The following NFU1 variants were observed in gnomAD, a reference collection of about 807,000 sequenced individuals.
The protein encoded by NFU1 is NFU1 iron-sulfur cluster scaffold homolog, mitochondrial.
NFU1 carries 30 observed loss-of-function variants against 32.2 expected under a neutral mutation model. That is an observed-to-expected ratio of 0.93 (90% CI 0.70 to 1.26). The LOEUF (loss-of-function observed/expected upper bound fraction) is 1.26. Among genes scored for constraint, NFU1 ranks in the 50% most tolerant of loss-of-function variants. The pLI, the probability that NFU1 is intolerant of heterozygous loss-of-function variation, is 0.00. For missense variants in NFU1, 306 were observed against 306.6 expected, an observed-to-expected ratio of 1.00 and a Z score of 0.02; for synonymous variants, 112 against 104.6, an observed-to-expected ratio of 1.07 and a Z score of -0.43.
rs1673032381 is a variant in NFU1, at chr2:69,415,845, C to CT, written c.370-547dup. On this transcript the variant is annotated intron_variant, in intron 4 of 7. Transcript: ENST00000410022. ...CCTTACACCTCTTAAGAAGCTTTTC[C>CT]TGGTCAGGTGTGGTAGTTCATGCCT... Among the ~76,000 whole-genome samples the CT allele has an allele frequency of 5.9e-5, 9 of 152,084 alleles. No homozygotes were observed. In the South Asian group the frequency reaches 1.9e-3, roughly 32 times the overall value.
chr2:69,399,210 C>CAA (rs752746093), intron 7 of NFU1: 654 of 200,376 alleles, frequency 3.3e-3, no homozygotes, highest in South Asian at 4.3e-3. Context: ...ATTCTGTCTC[C>CAA]AAAAAAAAAA....
intron 5 of NFU1, among the ~76,000 whole-genome samples, chr2:69,408,651 C>T (rs1320801294): frequency 1.3e-5 from 2 of 150,812 alleles, no homozygotes; most frequent in Admixed American, 6.6e-5. Context: ...ACCCGGGAGG[C>T]GGAGGTTGCA....
At chr2:69,400,943 C>T (rs1352063851) in intron 6 of NFU1, among the ~76,000 whole-genome samples, 1 of 152,144 alleles carries the variant, frequency 6.6e-6, no homozygotes. Context: ...CAGCGAGACC[C>T]TGTCTCTAAA....
Position 69,424,341 on chromosome 2 carries a change from T to C in NFU1, c.167-624A>G, listed in dbSNP as rs1035801139. Among the ~76,000 whole-genome samples, 3 of 151,384 alleles carry C rather than the reference T, an allele frequency of 2.0e-5. No homozygotes were observed. The East Asian group carries it at 5.8e-4, about 29-fold the overall frequency. On this transcript the variant is annotated intron_variant, in intron 2 of 7. Coordinates refer to ENST00000410022, the MANE Select transcript of NFU1 (RefSeq NM_001002755.4). ...TCTTGCTCTGTTGCCCAGGCTGGAG[T>C]GCAGTGGCACAATCACGGTTCACTA...
chr2:69,417,482 T>TAA (rs1177946128), intron 4 of NFU1, among the ~76,000 whole-genome samples: 2 of 100,776 alleles, frequency 2.0e-5, no homozygotes, highest in African/African-American at 5.0e-5. Context: ...GTCTCTACAA[T>TAA]AAAAAAAAAT....
intron 5 of NFU1, among the ~76,000 whole-genome samples, chr2:69,407,423 T>TTTA (rs1672731199): frequency 1.3e-5 from 2 of 152,148 alleles, no homozygotes; most frequent in African/African-American, 4.8e-5. Context: ...ATGCCTGTAA[T>TTTA]CCCAGCACTT....
chr2:69,405,851 T>C (rs1672677736), intron 6 of NFU1, among the ~76,000 whole-genome samples, 171 bp downstream of exon 6: 1 of 152,212 alleles, frequency 6.6e-6, no homozygotes, highest in Admixed American at 6.5e-5. Flanking sequence ...TGAGTAAATG[T>C]AGAGAAGATA....
chr2:69,417,859 A>G (rs2104777578), intron 4 of NFU1, among the ~76,000 whole-genome samples: 1 of 152,060 alleles, frequency 6.6e-6, no homozygotes, highest in South Asian at 2.1e-4. Flanking sequence ...AAAATAGGAA[A>G]AAAAAAAAAA....
rs1268809803 is a variant in NFU1, at chr2:69,423,566, G to GA, written c.302+15dup. The stretch of plus-strand genomic sequence containing the variant: ...TTTATGTTTCTTGGTAAAAGCAAAT[G>GA]AAAACAGTAATATACCTAGCCAGAG... On this transcript the variant is annotated intron_variant, in intron 3 of 7. Coordinates refer to ENST00000410022, the MANE Select transcript of NFU1 (RefSeq NM_001002755.4). The GA allele has an allele frequency of 3.7e-6, 6 of 1,607,878 alleles. No individual in the cohort carries two copies. Among genetic ancestry groups the GA allele is most frequent in the Non-Finnish European group, 5.1e-6 (6 of 1,177,528 alleles).
intron 5 of NFU1, among the ~76,000 whole-genome samples, chr2:69,412,782 T>G (rs1672929000): frequency 1.4e-5 from 2 of 142,476 alleles, no homozygotes; most frequent in South Asian, 4.6e-4. Context: ...TGCTTAAGCC[T>G]GGGAAGCTGA....
chr2:69,424,085 T>C (rs1384784610), intron 2 of NFU1, among the ~76,000 whole-genome samples: 1 of 141,522 alleles, frequency 7.1e-6, no homozygotes, highest in Non-Finnish European at 1.5e-5. Context: ...AGGCAGAGAA[T>C]TGCTTGAACC....
At chr2:69,398,471 G>C (rs12469795) in intron 7 of NFU1, among the ~76,000 whole-genome samples, 2 of 152,304 alleles carry the variant, frequency 1.3e-5, no homozygotes, top group East Asian at 3.9e-4. Context: ...ATGCCTCTAA[G>C]TTTTCTACTT....
chr2:69,435,458 T>C (rs1201057260), intron 1 of NFU1, among the ~76,000 whole-genome samples: 1 of 152,172 alleles, frequency 6.6e-6, no homozygotes, highest in Non-Finnish European at 1.5e-5. Context: ...CTGGAATTCT[T>C]CTCGTGGAAA....
upstream of NFU1, among the ~76,000 whole-genome samples, chr2:69,438,927 C>T (rs1395957888): frequency 7.2e-6 from 1 of 138,276 alleles, no homozygotes; most frequent in Non-Finnish European, 1.5e-5. Flanking sequence ...CACACCCATT[C>T]TAGACCGCAA....
chr2:69,424,044 G>A (rs911394861), intron 2 of NFU1, among the ~76,000 whole-genome samples: 10 of 150,982 alleles, frequency 6.6e-5, no homozygotes, highest in African/African-American at 2.4e-4. Context: ...GTGGTGGCGG[G>A]TGCCTGTAAT....
At chr2:69,439,408 T>C (rs1018274101), upstream of NFU1, among the ~76,000 whole-genome samples, 1 of 152,204 alleles carries the variant, frequency 6.6e-6, no homozygotes, top group Admixed American at 6.5e-5. Flanking sequence ...GGTGGGTTCG[T>C]GGTCTCACTG....
At chr2:69,423,903 AGT>A (rs553240788) in intron 2 of NFU1, among the ~76,000 whole-genome samples, 186 bp from the exon 3 acceptor site, 68 of 152,118 alleles carry the variant, frequency 4.5e-4, no homozygotes, top group Admixed American at 1.8e-3. Context: ...AGCCGGGCGC[AGT>A]GGCTCACACC....
upstream of NFU1, among the ~76,000 whole-genome samples, chr2:69,439,016 A>C (rs1237661831): frequency 1.3e-5 from 2 of 151,736 alleles, no homozygotes; most frequent in Non-Finnish European, 2.9e-5. Flanking sequence ...CGTTCTTCTC[A>C]GACTTCAATT....
At chr2:69,420,044 C>T (rs1673188716) in intron 3 of NFU1, among the ~76,000 whole-genome samples, 1 of 151,786 alleles carries the variant, frequency 6.6e-6, no homozygotes, top group South Asian at 2.1e-4. Flanking sequence ...CACCCTCTGT[C>T]CCCCAGGCTG....
Sources: allele counts gnomAD v4.1 joint callset (sites outside exome capture counted in the v4.1 genomes callset), GRCh38; gene constraint gnomAD v4.1.1; transcripts MANE v1.5; gene names NCBI Gene and HGNC (gene_info 2026-07-23, HGNC 2026-07-21).